SLIT3: variants seen among roughly 807,000 people sequenced by gnomAD.
SLIT3 encodes slit guidance ligand 3.
A neutral mutation model predicts 184.0 loss-of-function variants in SLIT3; 68 were observed. That is an observed-to-expected ratio of 0.37 (90% CI 0.30 to 0.45). The LOEUF (loss-of-function observed/expected upper bound fraction) is 0.45, where lower values mean the gene tolerates loss of function less well. Among genes scored for constraint, SLIT3 ranks in the 20% least tolerant of loss-of-function variants. The pLI is 1.00. For synonymous variants in SLIT3, 831 were observed against 828.6 expected (o/e 1.00, Z -0.05); for missense variants, 1,707 against 2,026.0 (o/e 0.84, Z 3.02).
At position 168,885,868 on chromosome 5, in the gene SLIT3, C is replaced by T. The variant is rs1162026290; in HGVS notation, c.414-2532G>A. ...GCAGTCGTACAAAGGTTCTGATTTG[C>T]AATACGGTGGGATGAGGAGAGGAGA... On this transcript the variant is annotated intron_variant, in intron 4 of 35. Transcript: ENST00000519560. Among the ~76,000 whole-genome samples, 4 of 152,258 alleles carry T rather than the reference C, an allele frequency of 2.6e-5. No individual in the cohort carries two copies. The East Asian group carries it at 7.7e-4, about 29-fold the overall frequency.
At chr5:169,237,212 A>G (rs989726429) in intron 3 of SLIT3, among the ~76,000 whole-genome samples, 3 of 152,108 alleles carry the variant, frequency 2.0e-5, no homozygotes, top group African/African-American at 7.2e-5. Context: ...TCTGCATTCC[A>G]TCCCGGGATA....
intron 4 of SLIT3, among the ~76,000 whole-genome samples, chr5:169,119,125 T>G (rs1357368073): frequency 6.6e-6 from 1 of 152,234 alleles, no homozygotes; most frequent in African/African-American, 2.4e-5. Flanking sequence ...CTTCTGCAGC[T>G]TTTAAAAGCA....
At chr5:169,165,992 C>T (rs1762625745) in intron 4 of SLIT3, among the ~76,000 whole-genome samples, 1 of 152,190 alleles carries the variant, frequency 6.6e-6, no homozygotes, top group African/African-American at 2.4e-5. Context: ...GAGGTAGGCA[C>T]TATTCATATC....
intron 4 of SLIT3, among the ~76,000 whole-genome samples, chr5:169,155,302 C>T (rs1262266638): frequency 1.3e-5 from 2 of 152,190 alleles, no homozygotes. Context: ...CAAGACTGTT[C>T]CAACCACCGT....
chr5:168,773,591 G>A (rs1401261044), intron 13 of SLIT3, among the ~76,000 whole-genome samples: 1 of 151,818 alleles, frequency 6.6e-6, no homozygotes, highest in Non-Finnish European at 1.5e-5. Flanking sequence ...AAGCCCCGAG[G>A]CTAATTGCAG....
intron 5 of SLIT3, among the ~76,000 whole-genome samples, chr5:168,856,005 A>T (rs991037338): frequency 6.6e-6 from 1 of 152,188 alleles, no homozygotes; most frequent in Non-Finnish European, 1.5e-5. Context: ...GCTACTCAGG[A>T]GGATGAGGCA....
chr5:168,704,847 C>T (rs1762330214), intron 26 of SLIT3, among the ~76,000 whole-genome samples: 2 of 152,116 alleles, frequency 1.3e-5, no homozygotes, highest in South Asian at 4.1e-4. Context: ...CTGGGGATTT[C>T]TGTTAGCCAC....
intron 9 of SLIT3, among the ~76,000 whole-genome samples, chr5:168,799,686 ATTGGTGGTG>A (rs1471247673): frequency 6.6e-6 from 1 of 152,034 alleles, no homozygotes; most frequent in African/African-American, 2.4e-5. Context: ...GTGTGGAAAC[ATTGGTGGTG>A]GTGGTGGTGG....
At chr5:168,744,250 C>T (rs1326262637) in intron 20 of SLIT3, among the ~76,000 whole-genome samples, 3 of 152,280 alleles carry the variant, frequency 2.0e-5, no homozygotes, top group East Asian at 3.9e-4. Context: ...GATTGCGCCA[C>T]GGCACTCCAG....
At chr5:168,927,309 T>C (rs575055095) in intron 4 of SLIT3, among the ~76,000 whole-genome samples, 20 of 152,222 alleles carry the variant, frequency 1.3e-4, no homozygotes, top group African/African-American at 4.6e-4. Flanking sequence ...CATGAGTACC[T>C]AGAGTAGCCA....
At chr5:168,799,686 ATTGGTG>A (rs1327208572) in intron 9 of SLIT3, among the ~76,000 whole-genome samples, 2 of 152,034 alleles carry the variant, frequency 1.3e-5, no homozygotes, top group African/African-American at 2.4e-5. Flanking sequence ...GTGTGGAAAC[ATTGGTG>A]GTGGTGGTGG....
At chr5:168,710,436 T>A (rs1416387170) in intron 25 of SLIT3, among the ~76,000 whole-genome samples, 1 of 152,064 alleles carries the variant, frequency 6.6e-6, no homozygotes, top group African/African-American at 2.4e-5. Flanking sequence ...ATGCTTATGT[T>A]TTAATAATGT....
intron 4 of SLIT3, among the ~76,000 whole-genome samples, chr5:168,989,630 G>C (rs1368833079): frequency 6.6e-6 from 1 of 152,216 alleles, no homozygotes; most frequent in East Asian, 1.9e-4. Flanking sequence ...ACATCCACCA[G>C]AATGGAAAAT....
In SLIT3 at chr5:168,673,158, T is replaced by C; in HGVS notation, c.3841+19A>G. On this transcript the variant is annotated intron_variant, in intron 33 of 35. Coordinates refer to ENST00000519560, the MANE Select transcript of SLIT3 (RefSeq NM_003062.4). ...GAGGGCCAGAGGGAGGTAGAGGTGG[T>C]AGGGAAAGAGGGCATTACCTCCAAG... 3.7e-6 allele frequency: 6 copies of C among 1,612,564 alleles called. No individual in the cohort carries two copies. The highest frequency in any genetic ancestry group is 4.2e-6 in the Non-Finnish European group (5 of 1,178,804).
At chr5:169,273,691 T>C (rs1345237377) in intron 1 of SLIT3, among the ~76,000 whole-genome samples, 1 of 152,160 alleles carries the variant, frequency 6.6e-6, no homozygotes, top group Non-Finnish European at 1.5e-5. Flanking sequence ...CACCAACTTA[T>C]GCTTTGAGGC....
chr5:169,295,754 T>C (rs1204785488), intron 1 of SLIT3, among the ~76,000 whole-genome samples: 1 of 152,084 alleles, frequency 6.6e-6, no homozygotes, highest in Non-Finnish European at 1.5e-5. Context: ...CAACAAACAA[T>C]ACTGGAGAGA....
intron 15 of SLIT3, among the ~76,000 whole-genome samples, chr5:168,761,425 T>C (rs1268296727): frequency 2.6e-5 from 4 of 151,992 alleles, no homozygotes; most frequent in Non-Finnish European, 5.9e-5. Flanking sequence ...TGATGACTTG[T>C]GAAATTAGAG....
rs552067116 is a variant in SLIT3 at position 168,948,665 on chromosome 5, C to A, written c.414-65329G>T. Among the ~76,000 whole-genome samples, 37 of 152,300 alleles carry A rather than the reference C, an allele frequency of 2.4e-4. No homozygotes were observed. In the South Asian group the frequency reaches 5.0e-3, roughly 20 times the overall value. On this transcript the variant is annotated intron_variant, in intron 4 of 35. Transcript: ENST00000519560. Reference sequence around the variant, plus strand: ...CCCCATTAGCAGTTGTTTGTCTCAGCAGCTCTTGCTCTAGGAACAAAGTCT... The same window carrying A: ...CCCCATTAGCAGTTGTTTGTCTCAGAAGCTCTTGCTCTAGGAACAAAGTCT...
chr5:168,825,227 T>C (rs944488728), intron 6 of SLIT3, among the ~76,000 whole-genome samples: 1 of 152,124 alleles, frequency 6.6e-6, no homozygotes, highest in African/African-American at 2.4e-5. Flanking sequence ...TATTCCCCTC[T>C]ACTCCAACCC....
Sources: gnomAD v4.1 joint callset for allele counts (sites outside exome capture counted in the v4.1 genomes callset) on GRCh38, gnomAD v4.1.1 for gene constraint, MANE v1.5 for transcripts, NCBI Gene and HGNC (gene_info 2026-07-23, HGNC 2026-07-21) for gene names.